OLR1: variants seen among roughly 807,000 people sequenced by gnomAD.
The protein encoded by OLR1 is oxidized low density lipoprotein receptor 1.
OLR1 carries 23 observed loss-of-function variants against 31.7 expected under a neutral mutation model. The observed-to-expected ratio is 0.72, with a 90% CI of 0.52 to 1.03. The LOEUF is 1.03. Among genes scored for constraint, OLR1 ranks in the 50% least tolerant of loss-of-function variants. The pLI is 0.00. For synonymous variants in OLR1, 117 were observed against 115.8 expected (o/e 1.01, Z -0.07); for missense variants, 286 against 315.7 (o/e 0.91, Z 0.71).
chr12:10,161,257 G>A (rs1002020855), intron 3 of OLR1, among the ~76,000 whole-genome samples: 1 of 152,096 alleles, frequency 6.6e-6, no homozygotes, highest in African/African-American at 2.4e-5. Flanking sequence ...ACTGATTTTA[G>A]CAACCTAAAT....
At chr12:10,160,537 A>C in intron 4 of OLR1, 75 bp from the exon 5 acceptor site, 1 of 1,198,594 alleles carries the variant, frequency 8.3e-7, no homozygotes, top group African/African-American at 1.5e-5. Flanking sequence ...TTAGTGTTGG[A>C]TCCACAAAAC....
chr12:10,174,898 A>G (rs1053443313), upstream of OLR1, among the ~76,000 whole-genome samples: 4 of 152,246 alleles, frequency 2.6e-5, no homozygotes, highest in African/African-American at 9.6e-5. Context: ...TCAATGTGGT[A>G]GCATGTGTCA....
upstream of OLR1, among the ~76,000 whole-genome samples, chr12:10,175,835 G>A (rs147461789): frequency 1.9e-3 from 294 of 152,308 alleles, 1 homozygote; most frequent in African/African-American, 6.5e-3. Flanking sequence ...ATTTTATTGA[G>A]GCACAGAGAG....
At chr12:10,172,626 G>A (rs34401616), upstream of OLR1, among the ~76,000 whole-genome samples, 348 of 152,308 alleles carry the variant, frequency 2.3e-3, no homozygotes, top group African/African-American at 7.7e-3. Context: ...TTCCAGCGAT[G>A]GTGTGTCCTG....
rs1948603307 is a variant in OLR1, at chr12:10,159,656, G to A, written c.*224C>T. ...GGGAAAATGGACTTCAGGCTGGCAG[G>A]GAAGCTTGGGACAAGCTAGGTGAAA... On this transcript the variant is annotated 3_prime_UTR_variant, in exon 6 of 6. Coordinates refer to ENST00000309539, the MANE Select transcript of OLR1 (RefSeq NM_002543.4). 2.0e-5 allele frequency: 8 copies of A among 394,644 alleles called. No individual in the cohort carries two copies. Among genetic ancestry groups the A allele is most frequent in the South Asian group, 1.2e-4 (2 of 17,108 alleles). The allele number at this position is 394,644 out of a possible 1,614,324, so 24.4% of individuals were successfully genotyped here.
chr12:10,163,731 G>A (rs1346865560), intron 3 of OLR1, among the ~76,000 whole-genome samples: 1 of 152,064 alleles, frequency 6.6e-6, no homozygotes, highest in East Asian at 1.9e-4. Flanking sequence ...AGGGGTTCGA[G>A]ACCAGCCTGA....
chr12:10,159,062 G>A lies in OLR1; in HGVS notation c.*818C>T, dbSNP rs544245192. Reference sequence around the variant, plus strand: ...GTTGAGAAGAGTTCATCTACAAAAGGTATGTTCTTTAGGGAAAGAAATTCT... The same window carrying A: ...GTTGAGAAGAGTTCATCTACAAAAGATATGTTCTTTAGGGAAAGAAATTCT... On this transcript the variant is annotated 3_prime_UTR_variant, in exon 6 of 6. Coordinates refer to ENST00000309539, the MANE Select transcript of OLR1 (RefSeq NM_002543.4). 3 of 152,268 alleles carry A rather than the reference G, an allele frequency of 2.0e-5. No individual in the cohort carries two copies. Among genetic ancestry groups the A allele is most frequent in the South Asian group, 2.1e-4 (1 of 4,832 alleles). The allele number at this position is 152,268 out of a possible 1,614,324, so 9.4% of individuals were successfully genotyped here.
intron 4 of OLR1, 43 bp downstream of exon 4, chr12:10,160,743 A>G (rs1169414398): frequency 3.1e-6 from 5 of 1,598,878 alleles, no homozygotes; most frequent in Non-Finnish European, 4.3e-6. Context: ...TAATTTCCCT[A>G]TCAACCAATA....
At chr12:10,173,554 G>C (rs542090339), upstream of OLR1, among the ~76,000 whole-genome samples, 16 of 151,634 alleles carry the variant, frequency 1.1e-4, no homozygotes, top group African/African-American at 1.5e-4. Flanking sequence ...CTGAGGGGGG[G>C]GGTGGATCAC....
rs778195143 is a variant in OLR1, at chr12:10,169,163, A to G, written c.89T>C (p.Leu30Pro). ...NGKKAKGLQF[L>P]YSPWWCLAAA... Reference sequence around the variant, plus strand: ...AGCCAGGCACCACCATGGAGAGTAAAGAAACTGAAGACCTAGAGTGACAGA... The same window carrying G: ...AGCCAGGCACCACCATGGAGAGTAAGGAAACTGAAGACCTAGAGTGACAGA... The change falls in exon 2 of 6, where the codon CTT becomes CCT. Residue 30 changes from leucine (L) to proline (P), a missense_variant. Coordinates refer to ENST00000309539, the MANE Select transcript of OLR1 (RefSeq NM_002543.4). 78 of 1,612,704 alleles carry G rather than the reference A, an allele frequency of 4.8e-5. No individual in the cohort carries two copies. In the East Asian group the frequency reaches 1.7e-3, roughly 35 times the overall value.
At position 10,159,915 on chromosome 12, in the gene OLR1, T is replaced by C. The variant is rs1477039270; in HGVS notation, c.787A>G (p.Ile263Val). 4 of 1,613,878 alleles carry C rather than the reference T, an allele frequency of 2.5e-6. No homozygotes were observed. Among genetic ancestry groups the C allele is most frequent in the African/African-American group, 1.3e-5 (1 of 74,938 alleles). ...CTTAGGTTTGCCTTCTTCTGACATA[T>C]ACTGAAGGCAGCTAAAATGCAGTTT... ...AENCILAAFS[I>V]CQKKANLRAQ Residue 263 changes from isoleucine to valine, a missense_variant, in exon 6 of 6, where the codon ATA becomes GTA. Transcript: ENST00000309539.
chr12:10,160,065 G>T (rs1397026577), intron 5 of OLR1, 44 bp from the exon 6 acceptor site: 1 of 1,563,062 alleles, frequency 6.4e-7, no homozygotes, highest in Non-Finnish European at 8.7e-7. Context: ...AAAAACTTAG[G>T]TTTACTGCCA....
intron 3 of OLR1, among the ~76,000 whole-genome samples, chr12:10,166,017 C>A (rs1157826544): frequency 6.6e-6 from 1 of 151,528 alleles, no homozygotes; most frequent in Admixed American, 6.6e-5. Context: ...TTGAGACCAG[C>A]CTGTTCAATA....
At chr12:10,176,224 G>A (rs1432803863), upstream of OLR1, among the ~76,000 whole-genome samples, 1 of 152,064 alleles carries the variant, frequency 6.6e-6, no homozygotes, top group African/African-American at 2.4e-5. Flanking sequence ...TTAGGGACAG[G>A]ATTCAGAGTT....
chr12:10,165,397 T>A (rs1383220757), intron 3 of OLR1, among the ~76,000 whole-genome samples: 1 of 152,162 alleles, frequency 6.6e-6, no homozygotes, highest in East Asian at 1.9e-4. Context: ...GCCACTGCAT[T>A]CCAGCCTGGG....
At chr12:10,174,512 T>C (rs1948751905), upstream of OLR1, among the ~76,000 whole-genome samples, 1 of 152,166 alleles carries the variant, frequency 6.6e-6, no homozygotes, top group Admixed American at 6.5e-5. Flanking sequence ...AAAAAGCTTC[T>C]AACCTTCCCC....
chr12:10,159,958 T>C lies in OLR1; in HGVS notation c.744A>G (p.Arg248=). Reference sequence around the variant, plus strand: ...TGCAGTTTTCCGCATAAACAGCTCCTCGTTGTATATATGCACAGGTACCTG... The same window carrying C: ...TGCAGTTTTCCGCATAAACAGCTCCCCGTTGTATATATGCACAGGTACCTG... ...YPSGTCAYIQ[R]GAVYAENCIL... is the part of the protein sequence containing the mutation. Residue 248 remains arginine, a synonymous_variant, in exon 6 of 6, where the codon CGA becomes CGG. Transcript: ENST00000309539. 6.2e-7 allele frequency: 1 copy of C among 1,614,130 alleles called. No homozygotes were observed. Among genetic ancestry groups the C allele is most frequent in the Non-Finnish European group, 8.5e-7 (1 of 1,179,990 alleles).
intron 1 of OLR1, among the ~76,000 whole-genome samples, chr12:10,169,498 T>G (rs1308739025): frequency 6.6e-6 from 1 of 152,208 alleles, no homozygotes; most frequent in Non-Finnish European, 1.5e-5. Context: ...TTATCTACTT[T>G]CCCGACAATT....
intron 5 of OLR1, 94 bp downstream of exon 5, chr12:10,160,253 G>T: frequency 1.9e-6 from 2 of 1,036,036 alleles, no homozygotes; most frequent in South Asian, 1.5e-5. Flanking sequence ...GCAAGAAGAG[G>T]ACATTGGTGG....
Sources: gnomAD v4.1 joint callset for allele counts (sites outside exome capture counted in the v4.1 genomes callset) on GRCh38, gnomAD v4.1.1 for gene constraint, MANE v1.5 for transcripts, NCBI Gene and HGNC (gene_info 2026-07-23, HGNC 2026-07-21) for gene names.